PPP1R16B: variants seen among roughly 807,000 people sequenced by gnomAD.
PPP1R16B encodes the protein protein phosphatase 1 regulatory subunit 16B, also known as protein phosphatase 1 regulatory inhibitor subunit 16B.
PPP1R16B carries 14 observed loss-of-function variants against 61.7 expected under a neutral mutation model. The ratio of observed to expected loss-of-function variants is 0.23; its 90% CI spans 0.15 to 0.35. PPP1R16B has a LOEUF of 0.35. Ranked by LOEUF, PPP1R16B falls within the 10% of genes least tolerant of loss-of-function variation. The probability of loss-of-function intolerance (pLI) is 1.00; values close to 1 mark genes in which losing one functional copy is unlikely to be tolerated. For synonymous variants in PPP1R16B, 266 were observed against 305.3 expected, an observed-to-expected ratio of 0.87 and a Z score of 1.34; for missense variants, 547 against 752.5, an observed-to-expected ratio of 0.73 and a Z score of 3.19.
In PPP1R16B at chr20:38,813,563, C is replaced by T. The variant is rs1403046937; in HGVS notation, c.-102+7771C>T. 2.6e-5 allele frequency among the ~76,000 whole-genome samples: 4 copies of T among 152,166 alleles called. No homozygotes were observed. In the East Asian group the frequency reaches 5.8e-4, roughly 22 times the overall value. On this transcript the variant is annotated intron_variant, in intron 1 of 10. Transcript: ENST00000299824. ...TGTATTGCTGATGGGCACAGTGGCACTCGGCTAAAGGAGAGGCTGAAATCT... is the reference window on the plus strand; with the variant it reads ...TGTATTGCTGATGGGCACAGTGGCATTCGGCTAAAGGAGAGGCTGAAATCT...
chr20:38,844,080 T>G (rs1375975466), intron 2 of PPP1R16B, among the ~76,000 whole-genome samples: 1 of 152,266 alleles, frequency 6.6e-6, no homozygotes, highest in Non-Finnish European at 1.5e-5. Context: ...TCCATTGGTC[T>G]GTCTGGCATT....
chr20:38,839,697 TTC>T (rs1185056222), intron 2 of PPP1R16B, among the ~76,000 whole-genome samples: 2 of 152,172 alleles, frequency 1.3e-5, no homozygotes, highest in Non-Finnish European at 2.9e-5. Context: ...CTTTTTTTTT[TTC>T]CCATCCAACG....
chr20:38,869,159 T>A lies in PPP1R16B; in HGVS notation c.251-20436T>A, dbSNP rs200024399. On this transcript the variant is annotated intron_variant, in intron 2 of 10. Transcript: ENST00000299824. Reference sequence around the variant, plus strand: ...ACATAAAAAATTAGCCATTTTATTTTTTTTTATTTATTTATTTTTGAGACA... The same window carrying A: ...ACATAAAAAATTAGCCATTTTATTTATTTTTATTTATTTATTTTTGAGACA... Among the ~76,000 whole-genome samples, 36 of 151,762 alleles carry A rather than the reference T, an allele frequency of 2.4e-4. No homozygotes were observed. The East Asian group carries it at 5.5e-3, about 23-fold the overall frequency.
intron 1 of PPP1R16B, among the ~76,000 whole-genome samples, chr20:38,817,378 C>T (rs373479856): frequency 2.6e-5 from 4 of 152,012 alleles, no homozygotes; most frequent in African/African-American, 9.7e-5. Flanking sequence ...GCCTAGCCAA[C>T]ATGGTGAAAC....
Position 38,907,917 on chromosome 20 carries a change from C to A in PPP1R16B, c.1010C>A (p.Ser337Tyr). The change falls in exon 9 of 11, where the codon TCC (serine) becomes TAC (tyrosine). Residue 337 changes from serine to tyrosine, a missense_variant. By Grantham distance (144) the Ser-to-Tyr change is moderately radical. Transcript: ENST00000299824. This position sits in a 1 kb window ranked among gnomAD's most constrained non-coding sequence, Gnocchi z 4.5. ...AAGTCATCCTTGAGCCGGAGGACCTCCAGCGCAGGCAGCCGTGGGTGAGTC... is the reference window on the plus strand; with the variant it reads ...AAGTCATCCTTGAGCCGGAGGACCTACAGCGCAGGCAGCCGTGGGTGAGTC... The part of the protein sequence containing the change: ...RHKSSLSRRT[S>Y]SAGSRGKVVR... 1 of 1,614,222 alleles carries A rather than the reference C, an allele frequency of 6.2e-7. No homozygotes were observed. Among genetic ancestry groups the A allele is most frequent in the Non-Finnish European group, 8.5e-7 (1 of 1,180,032 alleles).
chr20:38,917,054 T>C lies in PPP1R16B; in HGVS notation c.1195-1103T>C, dbSNP rs149065753. ...GCTCATGCCTGCAATCTCAGCACTT[T>C]GGGAAGCTGAGGAGTGTGGATCACT... On this transcript the variant is annotated intron_variant, in intron 10 of 10. Transcript: ENST00000299824. Among the ~76,000 whole-genome samples, 192 of 152,264 alleles carry C rather than the reference T, an allele frequency of 1.3e-3. 4 individuals are homozygous for C. The East Asian group carries it at 0.035, about 28-fold the overall frequency.
rs755023324 is a variant in PPP1R16B at position 38,921,813 on chromosome 20, C to A, written c.*3147C>A. 3.3e-5 allele frequency: 5 copies of A among 152,224 alleles called. No individual in the cohort carries two copies. Among genetic ancestry groups the A allele is most frequent in the Non-Finnish European group, 7.3e-5 (5 of 68,040 alleles). The allele number at this position is 152,224 out of a possible 1,614,324, so 9.4% of individuals were successfully genotyped here. A position where few individuals can be genotyped will look rare whatever the true frequency, so the allele number is the denominator to read the frequency against. On this transcript the variant is annotated 3_prime_UTR_variant, in exon 11 of 11. Transcript: ENST00000299824. ...TCATTTATTACATAGTCCCCTCACC[C>A]CACTAATGGATAATGGGAGGAAAAG... is the stretch of plus-strand genomic sequence containing the variant.
chr20:38,811,435 T>G (rs2084700057), intron 1 of PPP1R16B, among the ~76,000 whole-genome samples: 1 of 152,214 alleles, frequency 6.6e-6, no homozygotes, highest in Non-Finnish European at 1.5e-5. Context: ...AGTTGCTAAT[T>G]TTAGCATCTT....
intron 10 of PPP1R16B, among the ~76,000 whole-genome samples, chr20:38,916,468 A>C (rs61500956): frequency 6.6e-6 from 1 of 151,012 alleles, no homozygotes; most frequent in Non-Finnish European, 1.5e-5. Context: ...TATCTTGGAC[A>C]TCTTTCCATG....
At position 38,918,543 on chromosome 20, in the gene PPP1R16B, G is replaced by A. The variant is rs757677700; in HGVS notation, c.1581G>A (p.Pro527=). 26 of 1,576,228 alleles carry A rather than the reference G, an allele frequency of 1.6e-5. No homozygotes were observed. Among genetic ancestry groups the A allele is most frequent in the East Asian group, 9.0e-5 (4 of 44,536 alleles). ...CCTTGATCGGAGGCAGAACTTCACCGTACAGCAGCAATGGGACCTCGGTAT... is the reference window on the plus strand; with the variant it reads ...CCTTGATCGGAGGCAGAACTTCACCATACAGCAGCAATGGGACCTCGGTAT... ...KAPLIGGRTS[P]YSSNGTSVYY... The change falls in exon 11 of 11, where the codon CCG becomes CCA. Residue 527 remains proline (P), a synonymous_variant. Coordinates refer to ENST00000299824, the MANE Select transcript of PPP1R16B (RefSeq NM_015568.4). This position sits in a 1 kb window ranked among gnomAD's most constrained non-coding sequence, Gnocchi z 5.3.
intron 2 of PPP1R16B, among the ~76,000 whole-genome samples, chr20:38,864,396 G>C (rs1429871575): frequency 1.3e-5 from 2 of 152,178 alleles, no homozygotes; most frequent in African/African-American, 2.4e-5. Flanking sequence ...GAGAGGAAGA[G>C]AAACTTACTA....
intron 1 of PPP1R16B, among the ~76,000 whole-genome samples, chr20:38,809,634 C>T (rs187435636): frequency 4.9e-4 from 74 of 152,122 alleles, no homozygotes; most frequent in African/African-American, 1.6e-3. Flanking sequence ...AGCAGATAAG[C>T]CACCTCCCTA....
intron 2 of PPP1R16B, among the ~76,000 whole-genome samples, chr20:38,888,944 T>A (rs1034579324): frequency 1.4e-5 from 2 of 146,778 alleles, no homozygotes; most frequent in African/African-American, 5.1e-5. Context: ...GACAAAATTC[T>A]AGGGATTGGG....
chr20:38,894,575 A>G (rs1039468599), intron 3 of PPP1R16B, among the ~76,000 whole-genome samples: 15 of 152,102 alleles, frequency 9.9e-5, no homozygotes, highest in African/African-American at 3.1e-4. Flanking sequence ...AATGTCTCCC[A>G]TTGCACTGAT....
Position 38,918,636 on chromosome 20 carries a change from G to C in PPP1R16B, c.1674G>C (p.Glu558Asp). 1 of 1,517,522 alleles carries C rather than the reference G, an allele frequency of 6.6e-7. No individual in the cohort carries two copies. Among genetic ancestry groups the C allele is most frequent in the Non-Finnish European group, 8.8e-7 (1 of 1,134,118 alleles). The allele number at this position is 1,517,522 out of a possible 1,614,324, so 94.0% of individuals were successfully genotyped here. A position where few individuals can be genotyped will look rare whatever the true frequency, so the allele number is the denominator to read the frequency against. Reference sequence around the variant, plus strand: ...AGGCCCCCATAGAGGAGATGGAGGAGAAGGTGCATGGCTGTTGCCGTATCT... The same window carrying C: ...AGGCCCCCATAGAGGAGATGGAGGACAAGGTGCATGGCTGTTGCCGTATCT... ...KFKAPIEEMEEKVHGCCRIS is the reference protein window; with the variant it reads ...KFKAPIEEMEDKVHGCCRIS Residue 558 changes from glutamate (E) to aspartate (D), a missense_variant, in exon 11 of 11, where the codon GAG becomes GAC. Coordinates refer to ENST00000299824, the MANE Select transcript of PPP1R16B (RefSeq NM_015568.4). The surrounding 1 kb of genome is among the most constrained non-coding windows in gnomAD (Gnocchi z 5.3).
rs2085329576 is a variant in PPP1R16B, at chr20:38,895,766, A to ACTTCCTTCTTTCTCTCCTCCCTCCCTCC, written c.467+57_467+84dup. ...TCCCTCCACCTCTTGTCTTTTTCCA[A>ACTTCCTTCTTTCTCTCCTCCCTCCCTCC]CTTCCTTCTTTCTCTCCTCCCTCCC... is the stretch of plus-strand genomic sequence containing the variant. On this transcript the variant is annotated intron_variant, in intron 4 of 10. Coordinates refer to ENST00000299824, the MANE Select transcript of PPP1R16B (RefSeq NM_015568.4). 28 of 1,262,502 alleles carry ACTTCCTTCTTTCTCTCCTCCCTCCCTCC rather than the reference A, an allele frequency of 2.2e-5. 2 individuals carry two copies. In the East Asian group the frequency reaches 5.6e-4, roughly 25 times the overall value. 78.2% of individuals were successfully genotyped at this position (1,262,502 alleles called of 1,614,324 possible). A position where few individuals can be genotyped will look rare whatever the true frequency, so the allele number is the denominator to read the frequency against.
chr20:38,906,294 T>TG (rs1197539433), intron 7 of PPP1R16B, among the ~76,000 whole-genome samples, 200 bp downstream of exon 7: 26 of 125,202 alleles, frequency 2.1e-4, no homozygotes, highest in South Asian at 2.9e-4. Flanking sequence ...TTTTTTTTTT[T>TG]TTTTTTTTTT....
Position 38,859,306 on chromosome 20 carries a change from C to T in PPP1R16B, c.250+23131C>T, listed in dbSNP as rs374044510. On this transcript the variant is annotated intron_variant, in intron 2 of 10. Transcript: ENST00000299824. ...TAGTGCGGGTTCCTTTTTTTTTTGG[C>T]GGGGTGGGGGAGGGTGTGTGAAATG... 2.6e-3 allele frequency among the ~76,000 whole-genome samples: 368 copies of T among 143,848 alleles called. 5 individuals carry two copies. The highest frequency in any genetic ancestry group is 9.2e-3 in the African/African-American group (354 of 38,286). 94.4% of individuals were successfully genotyped at this position (143,848 alleles called of 152,430 possible).
intron 2 of PPP1R16B, among the ~76,000 whole-genome samples, chr20:38,856,761 A>G (rs983055608): frequency 2.0e-5 from 3 of 152,260 alleles, no homozygotes; most frequent in Non-Finnish European, 2.9e-5. Flanking sequence ...TTACAGGTGG[A>G]TAAACTGAGG....
Sources: allele counts gnomAD v4.1 joint callset (sites outside exome capture counted in the v4.1 genomes callset), GRCh38; gene constraint gnomAD v4.1.1; non-coding constraint Gnocchi (gnomAD v3.1); transcripts MANE v1.5; gene names NCBI Gene and HGNC (gene_info 2026-07-23, HGNC 2026-07-21).